The following HTR4 variants were observed in gnomAD, a reference collection of about 807,000 sequenced individuals.
The protein encoded by HTR4 is 5-hydroxytryptamine (serotonin) receptor 4, G protein-coupled.
HTR4 carries 16 observed loss-of-function variants against 36.8 expected under a neutral mutation model. That is an observed-to-expected ratio of 0.43 (90% CI 0.29 to 0.66). The LOEUF (loss-of-function observed/expected upper bound fraction) is 0.66. Ranked by LOEUF, HTR4 falls within the 30% of genes least tolerant of loss-of-function variation. HTR4 has a pLI of 0.13. For synonymous variants in HTR4, 189 were observed against 185.1 expected (o/e 1.02, Z -0.17); for missense variants, 438 against 490.9 (o/e 0.89, Z 1.02).
At chr5:148,588,383 A>C (rs192804547) in intron 2 of HTR4, among the ~76,000 whole-genome samples, 4 of 152,328 alleles carry the variant, frequency 2.6e-5, no homozygotes, top group Admixed American at 6.5e-5. Flanking sequence ...CAGGTGGCCA[A>C]AGGTTAAATT....
At chr5:148,453,082 T>C (rs1279218528) in intron 5 of HTR4, among the ~76,000 whole-genome samples, 1 of 152,216 alleles carries the variant, frequency 6.6e-6, no homozygotes, top group Non-Finnish European at 1.5e-5. Context: ...CTGTGAGCTT[T>C]CTGTCTGCTG....
intron 2 of HTR4, among the ~76,000 whole-genome samples, chr5:148,617,186 G>A (rs1461550970): frequency 6.6e-6 from 1 of 152,170 alleles, no homozygotes; most frequent in Non-Finnish European, 1.5e-5. Context: ...AATAGTGAGT[G>A]ATTTCTCACG....
chr5:148,641,990 TA>T (rs1222332549), intron 1 of HTR4, among the ~76,000 whole-genome samples: 1 of 152,214 alleles, frequency 6.6e-6, no homozygotes, highest in African/African-American at 2.4e-5. Flanking sequence ...AACCTGGAGC[TA>T]TGTCATAACC....
intron 2 of HTR4, among the ~76,000 whole-genome samples, chr5:148,585,710 T>C (rs1259162785): frequency 6.6e-6 from 1 of 152,176 alleles, no homozygotes; most frequent in African/African-American, 2.4e-5. Flanking sequence ...TCTTGACTCC[T>C]ATTGGGTTGG....
At chr5:148,470,378 A>C (rs1755533988) in intron 5 of HTR4, among the ~76,000 whole-genome samples, 1 of 152,216 alleles carries the variant, frequency 6.6e-6, no homozygotes, top group Non-Finnish European at 1.5e-5. Flanking sequence ...TCAAGATCAT[A>C]CTGACGGTAA....
At chr5:148,509,339 C>T in intron 6 of HTR4, 117 bp downstream of exon 6, 4 of 728,456 alleles carry the variant, frequency 5.5e-6, no homozygotes, top group Non-Finnish European at 9.0e-6. Context: ...CTTTTATAAT[C>T]TTTGCAAACT....
chr5:148,558,477 T>C (rs1242833615), intron 2 of HTR4, among the ~76,000 whole-genome samples: 1 of 152,184 alleles, frequency 6.6e-6, no homozygotes, highest in Non-Finnish European at 1.5e-5. Flanking sequence ...AAATGAAAGA[T>C]ACTCACCAGT....
rs549316153 is a variant in HTR4, at chr5:148,580,679, A to G, written c.27-30417T>C. ...AACATAATGTCTTCCAGGTTTATAC[A>G]TGTTGCCACAAATGTTAGGTTTTTC... On this transcript the variant is annotated intron_variant, in intron 2 of 6. Coordinates refer to ENST00000377888, the MANE Select transcript of HTR4 (RefSeq NM_000870.7). Among the ~76,000 whole-genome samples the G allele has an allele frequency of 5.1e-4, 78 of 152,264 alleles. 1 individual carries two copies. The highest frequency in any genetic ancestry group is 1.8e-3 in the African/African-American group (76 of 41,562).
chr5:148,634,060 G>A (rs1400488412), intron 2 of HTR4, among the ~76,000 whole-genome samples: 1 of 152,152 alleles, frequency 6.6e-6, no homozygotes, highest in Admixed American at 6.6e-5. Context: ...AAAATGAAGT[G>A]AGCAGTATGG....
At chr5:148,458,121 A>C (rs990908500) in intron 5 of HTR4, among the ~76,000 whole-genome samples, 2 of 139,094 alleles carry the variant, frequency 1.4e-5, no homozygotes, top group Admixed American at 7.3e-5. Context: ...ATAGATCTTA[A>C]AATATAATAT....
chr5:148,534,811 A>G (rs1486393924), intron 4 of HTR4, among the ~76,000 whole-genome samples: 1 of 152,006 alleles, frequency 6.6e-6, no homozygotes, highest in Non-Finnish European at 1.5e-5. Context: ...TGGAGCCTCC[A>G]AGAGATAAGC....
At chr5:148,568,520 A>G (rs770965355) in intron 2 of HTR4, among the ~76,000 whole-genome samples, 4 of 152,136 alleles carry the variant, frequency 2.6e-5, no homozygotes, top group Non-Finnish European at 4.4e-5. Context: ...TGAATTACAT[A>G]TTGTAGAATC....
intron 2 of HTR4, among the ~76,000 whole-genome samples, chr5:148,579,301 G>C (rs149139582): frequency 6.6e-6 from 1 of 152,086 alleles, no homozygotes; most frequent in East Asian, 1.9e-4. Context: ...CTCAGAGTTT[G>C]CTTCAAATTT....
chr5:148,463,343 T>TG (rs1459682272), intron 5 of HTR4, among the ~76,000 whole-genome samples: 18 of 148,350 alleles, frequency 1.2e-4, no homozygotes, highest in African/African-American at 4.4e-4. Context: ...CAGCTATTTT[T>TG]GTTTTTTTTT....
intron 2 of HTR4, among the ~76,000 whole-genome samples, chr5:148,577,199 A>G (rs942365981): frequency 6.6e-6 from 1 of 152,176 alleles, no homozygotes; most frequent in African/African-American, 2.4e-5. Context: ...CATGTTGCCA[A>G]CATGCATATG....
At chr5:148,636,693 T>G (rs1431181433) in intron 2 of HTR4, among the ~76,000 whole-genome samples, 1 of 152,220 alleles carries the variant, frequency 6.6e-6, no homozygotes, top group Non-Finnish European at 1.5e-5. Flanking sequence ...TTACCCCTAC[T>G]TAAATACATC....
intron 2 of HTR4, among the ~76,000 whole-genome samples, chr5:148,575,818 C>T (rs893932327): frequency 1.3e-5 from 2 of 151,774 alleles, no homozygotes; most frequent in South Asian, 2.1e-4. Context: ...CCTTGAAAAC[C>T]GGCCCAAGAC....
chr5:148,543,513 C>T (rs921436428), intron 4 of HTR4, among the ~76,000 whole-genome samples: 1 of 152,154 alleles, frequency 6.6e-6, no homozygotes, highest in Non-Finnish European at 1.5e-5. Flanking sequence ...TCAGGCAACT[C>T]ACTGGCATAT....
downstream of HTR4, among the ~76,000 whole-genome samples, chr5:148,475,994 G>A (rs1755684247): frequency 6.6e-6 from 1 of 152,204 alleles, no homozygotes; most frequent in African/African-American, 2.4e-5. Flanking sequence ...CAAAGCCCAA[G>A]TTCCTAACCA....
Sources: gnomAD v4.1 joint callset for allele counts (sites outside exome capture counted in the v4.1 genomes callset) on GRCh38, gnomAD v4.1.1 for gene constraint, MANE v1.5 for transcripts, NCBI Gene and HGNC (gene_info 2026-07-23, HGNC 2026-07-21) for gene names.